LAX1: variants seen among roughly 807,000 people sequenced by gnomAD.
LAX1 encodes lymphocyte transmembrane adapter 1.
Under a neutral mutation model 20.7 loss-of-function variants are expected in LAX1, and 17 were observed. The observed-to-expected ratio is 0.82, with a 90% CI of 0.56 to 1.23. The LOEUF (loss-of-function observed/expected upper bound fraction) is 1.23. LAX1 is among the 50% of genes most tolerant of loss of function. LAX1 has a pLI of 0.00. For synonymous variants in LAX1, 165 were observed against 181.0 expected (o/e 0.91, Z 0.71); for missense variants, 470 against 487.0 (o/e 0.97, Z 0.33).
At chr1:203,766,690 A>G (rs935619945) in intron 1 of LAX1, among the ~76,000 whole-genome samples, 6 of 152,218 alleles carry the variant, frequency 3.9e-5, no homozygotes, top group African/African-American at 1.4e-4. Context: ...GTTTTGAAAT[A>G]TGTATACATT....
Position 203,775,409 on chromosome 1 carries a change from A to C in LAX1, c.*728A>C, listed in dbSNP as rs1390679846. 1 of 152,092 alleles carries C rather than the reference A, an allele frequency of 6.6e-6. No homozygotes were observed. Among genetic ancestry groups the C allele is most frequent in the Non-Finnish European group, 1.5e-5 (1 of 68,050 alleles). 9.4% of individuals were successfully genotyped at this position (152,092 alleles called of 1,614,324 possible). A position where few individuals can be genotyped will look rare whatever the true frequency, so the allele number is the denominator to read the frequency against. ...CTCCCTCTCAAAAAAAAAAACAAACAAAAAAGAAGTGTGGGCAACCAAATG... is the reference window on the plus strand; with the variant it reads ...CTCCCTCTCAAAAAAAAAAACAAACCAAAAAGAAGTGTGGGCAACCAAATG... On this transcript the variant is annotated 3_prime_UTR_variant, in exon 5 of 5. Coordinates refer to ENST00000442561, the MANE Select transcript of LAX1 (RefSeq NM_017773.4).
Position 203,774,691 on chromosome 1 carries a change from T to A in LAX1, c.*10T>A. 1 of 1,608,714 alleles carries A rather than the reference T, an allele frequency of 6.2e-7. No individual in the cohort carries two copies. The highest frequency in any genetic ancestry group is 8.5e-7 in the Non-Finnish European group (1 of 1,177,432). ...CCTTCCTGATGAATGAAGACCCAGGTACCCAGCCATAAAGCCACATTGAGT... is the reference window on the plus strand; with the variant it reads ...CCTTCCTGATGAATGAAGACCCAGGAACCCAGCCATAAAGCCACATTGAGT... On this transcript the variant is annotated 3_prime_UTR_variant, in exon 5 of 5. Coordinates refer to ENST00000442561, the MANE Select transcript of LAX1 (RefSeq NM_017773.4).
At chr1:203,769,480 A>C (rs1053743065) in intron 1 of LAX1, among the ~76,000 whole-genome samples, 1 of 151,946 alleles carries the variant, frequency 6.6e-6, no homozygotes, top group Admixed American at 6.6e-5. Flanking sequence ...AGTTGTATAA[A>C]TAAGCCTAAA....
chr1:203,767,303 CTTTTTTTT>C (rs755164305), intron 1 of LAX1, among the ~76,000 whole-genome samples: 1 of 90,450 alleles, frequency 1.1e-5, no homozygotes, highest in African/African-American at 4.7e-5. Flanking sequence ...CTCTCCACTT[CTTTTTTTT>C]TTTTTTTTTT....
Position 203,765,347 on chromosome 1 carries a change from G to C in LAX1, c.-219G>C. ...ACTTGGAAGCACCATGTCCGGATGA[G>C]ATCGCACTTCCTGCAGTGGGCATTA... On this transcript the variant is annotated 5_prime_UTR_variant, in exon 1 of 5. Coordinates refer to ENST00000442561, the MANE Select transcript of LAX1 (RefSeq NM_017773.4). 6.4e-7 allele frequency: 1 copy of C among 1,551,696 alleles called. No homozygotes were observed. Among genetic ancestry groups the C allele is most frequent in the Non-Finnish European group, 8.7e-7 (1 of 1,146,988 alleles).
rs1303082954 is a variant in LAX1 at position 203,770,500 on chromosome 1, AG to A, written c.90-326del. On this transcript the variant is annotated intron_variant, in intron 1 of 4. Transcript: ENST00000442561. Reference sequence around the variant, plus strand: ...AAGGAAGGAAGGAAGGAAGGAAGGAAGGAAGGAAGGAAGAAAGAAAGAAAGA... The same window carrying A: ...AAGGAAGGAAGGAAGGAAGGAAGGAAGAAGGAAGGAAGAAAGAAAGAAAGA... 1.4e-3 allele frequency among the ~76,000 whole-genome samples: 140 copies of A among 97,260 alleles called. 3 individuals are homozygous for A. Among genetic ancestry groups the A allele is most frequent in the African/African-American group, 4.8e-3 (117 of 24,384 alleles). The allele number at this position is 97,260 out of a possible 152,430, so 63.8% of individuals were successfully genotyped here.
Position 203,774,762 on chromosome 1 carries a change from G to A in LAX1, c.*81G>A, listed in dbSNP as rs1292475219. On this transcript the variant is annotated 3_prime_UTR_variant, in exon 5 of 5. Coordinates refer to ENST00000442561, the MANE Select transcript of LAX1 (RefSeq NM_017773.4). ...CTACTGCAGAGTCTAGTGCAGACCC[G>A]TGATCACCTTAGTGCTTCAGTGGAT... The A allele has an allele frequency of 6.0e-6, 7 of 1,158,242 alleles. No individual in the cohort carries two copies. Among genetic ancestry groups the A allele is most frequent in the African/African-American group, 3.1e-5 (2 of 64,930 alleles). 71.7% of individuals were successfully genotyped at this position (1,158,242 alleles called of 1,614,324 possible). A position where few individuals can be genotyped will look rare whatever the true frequency, so the allele number is the denominator to read the frequency against.
intron 1 of LAX1, among the ~76,000 whole-genome samples, chr1:203,767,373 T>C (rs1667323314): frequency 7.0e-6 from 1 of 141,938 alleles, no homozygotes; most frequent in Non-Finnish European, 1.5e-5. Context: ...AAGGTTGCAA[T>C]CTAGGGTCAC....
intron 1 of LAX1, chr1:203,769,777 G>GGGGC (rs1553254248): frequency 2.0e-5 from 3 of 152,554 alleles, no homozygotes; most frequent in Non-Finnish European, 4.3e-5. Flanking sequence ...TTGGTGCGGG[G>GGGGC]GGGGGGGCGG....
chr1:203,774,757 G>A lies in LAX1; in HGVS notation c.*76G>A. 1 of 1,224,406 alleles carries A rather than the reference G, an allele frequency of 8.2e-7. No homozygotes were observed. The highest frequency in any genetic ancestry group is 1.4e-5 in the South Asian group (1 of 69,094). The allele number at this position is 1,224,406 out of a possible 1,614,324, so 75.8% of individuals were successfully genotyped here. A position where few individuals can be genotyped will look rare whatever the true frequency, so the allele number is the denominator to read the frequency against. ...ATTGACTACTGCAGAGTCTAGTGCA[G>A]ACCCGTGATCACCTTAGTGCTTCAG... On this transcript the variant is annotated 3_prime_UTR_variant, in exon 5 of 5. Coordinates refer to ENST00000442561, the MANE Select transcript of LAX1 (RefSeq NM_017773.4).
rs1442855411 is a variant in LAX1 at position 203,774,263 on chromosome 1, G to T, written c.779G>T (p.Gly260Val). 2.5e-6 allele frequency: 4 copies of T among 1,614,208 alleles called. No homozygotes were observed. Among genetic ancestry groups the T allele is most frequent in the Admixed American group, 1.7e-5 (1 of 60,018 alleles). The change falls in exon 5 of 5, where the codon GGT becomes GTT. Residue 260 changes from glycine (G) to valine (V), a missense_variant. Transcript: ENST00000442561. ...EDSDSLSNGE[G>V]SSQISNDYVN... ...AGTGATTCACTCAGCAATGGAGAAG[G>T]TTCTTCTCAGATCTCAAATGACTAT...
chr1:203,772,266 C>A (rs1021398696), intron 4 of LAX1, 119 bp downstream of exon 4: 2 of 735,532 alleles, frequency 2.7e-6, no homozygotes, highest in Non-Finnish European at 4.7e-6. Context: ...TGGCACTCGC[C>A]CTGCAGTCCT....
chr1:203,768,858 A>C (rs1667347422), intron 1 of LAX1, among the ~76,000 whole-genome samples: 1 of 152,210 alleles, frequency 6.6e-6, no homozygotes, highest in South Asian at 2.1e-4. Context: ...TGGTGGCAAC[A>C]GAGGAGCAAG....
intron 4 of LAX1, 61 bp from the exon 5 acceptor site, chr1:203,773,814 G>T: frequency 6.8e-6 from 2 of 294,720 alleles, no homozygotes; most frequent in Non-Finnish European, 1.2e-5. Flanking sequence ...TTTCCAAGAA[G>T]AAAGGCTTTG....
intron 1 of LAX1, among the ~76,000 whole-genome samples, chr1:203,766,931 CT>C (rs1440474723): frequency 1.3e-5 from 2 of 152,120 alleles, no homozygotes; most frequent in African/African-American, 4.8e-5. Flanking sequence ...TCTCGGCTCA[CT>C]GCAGCCTCCA....
chr1:203,767,851 C>T (rs1011764365), intron 1 of LAX1, among the ~76,000 whole-genome samples: 6 of 152,190 alleles, frequency 3.9e-5, no homozygotes, highest in East Asian at 3.9e-4. Flanking sequence ...CAGAGCTGAG[C>T]GTGGTGGCTC....
At chr1:203,765,723 G>A in intron 1 of LAX1, 69 bp downstream of exon 1, 4 of 1,452,112 alleles carry the variant, frequency 2.8e-6, no homozygotes, top group Non-Finnish European at 3.8e-6. Flanking sequence ...CCACCCTTAG[G>A]AGCTTCTTAC....
chr1:203,771,822 C>T (rs1004313674), intron 3 of LAX1, among the ~76,000 whole-genome samples: 4 of 152,196 alleles, frequency 2.6e-5, no homozygotes, highest in African/African-American at 7.2e-5. Context: ...GGTTCTCACA[C>T]AGGAGCTTGT....
rs41264259 is a variant in LAX1 at position 203,770,929 on chromosome 1, G to A, written c.191G>A (p.Arg64Gln). 20,336 of 1,612,006 alleles carry A rather than the reference G, an allele frequency of 0.013. 171 individuals carry two copies. The highest frequency in any genetic ancestry group is 0.02 in the Middle Eastern group (123 of 6,054). The change falls in exon 2 of 5, where the codon CGG becomes CAG. Residue 64 changes from arginine (R) to glutamine (Q), a missense_variant. Coordinates refer to ENST00000442561, the MANE Select transcript of LAX1 (RefSeq NM_017773.4). ...VFCILWNWNK[R>Q]KKRQVPYLRV... ...TGCATCTTGTGGAATTGGAATAAAC[G>A]GAAGAAGCGTGAGTCCCTTGTTTGT... is the stretch of plus-strand genomic sequence containing the variant.
Sources: allele counts gnomAD v4.1 joint callset (sites outside exome capture counted in the v4.1 genomes callset), GRCh38; gene constraint gnomAD v4.1.1; transcripts MANE v1.5; gene names NCBI Gene and HGNC (gene_info 2026-07-23, HGNC 2026-07-21).